Variants in PBX1 observed in about 807,000 individuals in gnomAD.
The protein encoded by PBX1 is pre-B-cell leukemia transcription factor 1.
Under a neutral mutation model 53.4 loss-of-function variants are expected in PBX1, and 6 were observed. The ratio of observed to expected loss-of-function variants is 0.11; its 90% CI spans 0.06 to 0.22. PBX1 has a LOEUF of 0.22. Among genes scored for constraint, PBX1 ranks in the 10% least tolerant of loss-of-function variants. The pLI is 1.00. For synonymous variants in PBX1, 204 were observed against 212.3 expected (o/e 0.96, Z 0.34); for missense variants, 251 against 551.4 (o/e 0.46, Z 5.46).
intron 2 of PBX1, among the ~76,000 whole-genome samples, chr1:164,610,775 G>A (rs777502085): frequency 2.6e-5 from 4 of 152,178 alleles, no homozygotes; most frequent in East Asian, 3.9e-4. Flanking sequence ...AAGTATCTAC[G>A]CACATTCTGC....
At chr1:164,695,254 A>C (rs553849750) in intron 2 of PBX1, among the ~76,000 whole-genome samples, 1 of 152,212 alleles carries the variant, frequency 6.6e-6, no homozygotes, top group African/African-American at 2.4e-5. Context: ...CAGTCTGCTG[A>C]GAATTATTCA....
Position 164,723,528 on chromosome 1 carries a change from C to G in PBX1, c.266-68966C>G, listed in dbSNP as rs144679824. Among the ~76,000 whole-genome samples, 40 of 152,194 alleles carry G rather than the reference C, an allele frequency of 2.6e-4. No homozygotes were observed. In the East Asian group the frequency reaches 7.0e-3, roughly 27 times the overall value. ...GAGATAGATAGATGAATATACAAACCCTCAGTCATGCCATCTGACCATCTG... is the reference window on the plus strand; with the variant it reads ...GAGATAGATAGATGAATATACAAACGCTCAGTCATGCCATCTGACCATCTG... On this transcript the variant is annotated intron_variant, in intron 2 of 8. Coordinates refer to ENST00000420696, the MANE Select transcript of PBX1 (RefSeq NM_002585.4).
intron 3 of PBX1, among the ~76,000 whole-genome samples, chr1:164,793,337 T>A (rs1243057475): frequency 6.6e-6 from 1 of 152,038 alleles, no homozygotes; most frequent in East Asian, 1.9e-4. Flanking sequence ...GTAAAAAGGG[T>A]AGGAGGTTCA....
At chr1:164,739,202 A>G (rs1306386364) in intron 2 of PBX1, among the ~76,000 whole-genome samples, 1 of 152,160 alleles carries the variant, frequency 6.6e-6, no homozygotes. Context: ...CCTGGCGCAA[A>G]CCAATCATAG....
chr1:164,729,472 T>C (rs1184879662), intron 2 of PBX1, among the ~76,000 whole-genome samples: 2 of 152,174 alleles, frequency 1.3e-5, no homozygotes, highest in African/African-American at 4.8e-5. Context: ...TTCAAAGATG[T>C]TGTGTAAATA....
chr1:164,864,821 T>C (rs147881607), intron 2 of PBX1, among the ~76,000 whole-genome samples: 297 of 152,308 alleles, frequency 1.9e-3, no homozygotes, highest in African/African-American at 7.0e-3. Flanking sequence ...CAAAAGATCA[T>C]CCCTGTTCCA....
chr1:164,728,475 C>T lies in PBX1; in HGVS notation c.266-64019C>T, dbSNP rs1326363114. 2.0e-5 allele frequency among the ~76,000 whole-genome samples: 3 copies of T among 152,100 alleles called. No individual in the cohort carries two copies. The East Asian group carries it at 5.8e-4, about 29-fold the overall frequency. On this transcript the variant is annotated intron_variant, in intron 2 of 8. Transcript: ENST00000420696. ...TGCAAACCAATAATTTGCTTGTTTTCCAAAAGGATAGAAGTAATTCATAAT... is the reference window on the plus strand; with the variant it reads ...TGCAAACCAATAATTTGCTTGTTTTTCAAAAGGATAGAAGTAATTCATAAT...
At chr1:164,689,197 G>A (rs1007517075) in intron 2 of PBX1, among the ~76,000 whole-genome samples, 8 of 152,332 alleles carry the variant, frequency 5.3e-5, no homozygotes, top group African/African-American at 1.7e-4. Flanking sequence ...TTATCCTCAT[G>A]AAATATACAT....
chr1:164,668,511 G>T (rs1039268769), intron 2 of PBX1, among the ~76,000 whole-genome samples: 2 of 152,110 alleles, frequency 1.3e-5, no homozygotes, highest in Non-Finnish European at 2.9e-5. Context: ...GCCCTGCTGG[G>T]CTGTCTCCTG....
chr1:164,856,278 C>T (rs1441653808), downstream of PBX1, among the ~76,000 whole-genome samples: 1 of 152,030 alleles, frequency 6.6e-6, no homozygotes, highest in Non-Finnish European at 1.5e-5. Flanking sequence ...TCCTTTCTGC[C>T]CTCCCCTTGA....
chr1:164,867,610 C>G (rs1672248171), intron 2 of PBX1, among the ~76,000 whole-genome samples: 1 of 152,188 alleles, frequency 6.6e-6, no homozygotes. Flanking sequence ...TACACCTTTC[C>G]CATTAGCTTG....
intron 2 of PBX1, among the ~76,000 whole-genome samples, chr1:164,578,474 A>C (rs370050612): frequency 1.9e-4 from 29 of 152,234 alleles, no homozygotes; most frequent in African/African-American, 6.7e-4. Context: ...TCTTTATTCC[A>C]TTTTGGTCTA....
At chr1:164,632,209 C>T (rs539626096) in intron 2 of PBX1, among the ~76,000 whole-genome samples, 55 of 152,302 alleles carry the variant, frequency 3.6e-4, no homozygotes, top group African/African-American at 1.3e-3. Context: ...TTGCCGCAGC[C>T]TAGGCATTAA....
At chr1:164,812,175 G>A (rs769329091) in intron 6 of PBX1, 26 bp downstream of exon 6, 3 of 1,591,056 alleles carry the variant, frequency 1.9e-6, no homozygotes, top group African/African-American at 1.4e-5. Flanking sequence ...GATTGGGGGT[G>A]GGGGAAGGAA....
intron 2 of PBX1, among the ~76,000 whole-genome samples, chr1:164,705,463 TC>T (rs1434369139): frequency 1.3e-5 from 2 of 152,232 alleles, no homozygotes. Context: ...TTAAAATTTT[TC>T]ATATAAATTT....
At chr1:164,747,338 C>T (rs75801722) in intron 2 of PBX1, among the ~76,000 whole-genome samples, 2,739 of 149,914 alleles carry the variant, frequency 0.018, 91 homozygotes, top group African/African-American at 0.064. Context: ...TATATATACA[C>T]ACACACACAT....
At chr1:164,739,962 T>C (rs1665517265) in intron 2 of PBX1, among the ~76,000 whole-genome samples, 1 of 152,164 alleles carries the variant, frequency 6.6e-6, no homozygotes, top group Admixed American at 6.5e-5. Flanking sequence ...AAAATACACC[T>C]AATGGAAAAA....
At chr1:164,796,941 C>A (rs577091454) in intron 3 of PBX1, among the ~76,000 whole-genome samples, 2 of 152,192 alleles carry the variant, frequency 1.3e-5, no homozygotes, top group South Asian at 4.1e-4. Flanking sequence ...TCTTTAGATA[C>A]AAGGCTTGAG....
intron 2 of PBX1, among the ~76,000 whole-genome samples, chr1:164,711,891 C>G (rs1663805778): frequency 6.6e-6 from 1 of 152,150 alleles, no homozygotes; most frequent in South Asian, 2.1e-4. Context: ...AGAAGCATGG[C>G]CGTGGGGGCT....
Sources: allele counts gnomAD v4.1 joint callset (sites outside exome capture counted in the v4.1 genomes callset), GRCh38; gene constraint gnomAD v4.1.1; transcripts MANE v1.5; gene names NCBI Gene and HGNC (gene_info 2026-07-23, HGNC 2026-07-21).